Variants in SYNPR observed in about 807,000 individuals in gnomAD.
SYNPR encodes synaptoporin.
In SYNPR, 23 loss-of-function variants were observed where a neutral mutation model predicts 32.9. The observed-to-expected ratio is 0.70, with a 90% CI of 0.50 to 0.99. The LOEUF is 0.99. Ranked by LOEUF, SYNPR falls within the 50% of genes least tolerant of loss-of-function variation. SYNPR has a pLI of 0.00. For synonymous variants in SYNPR, 146 were observed against 135.9 expected, an observed-to-expected ratio of 1.07 and a Z score of -0.52; for missense variants, 318 against 349.3, an observed-to-expected ratio of 0.91 and a Z score of 0.71.
chr3:63,527,207 G>T (rs887690691), intron 3 of SYNPR, among the ~76,000 whole-genome samples: 1 of 152,208 alleles, frequency 6.6e-6, no homozygotes, highest in African/African-American at 2.4e-5. Flanking sequence ...ATTCTGAATG[G>T]AATGTATAGG....
intron 2 of SYNPR, among the ~76,000 whole-genome samples, chr3:63,255,983 G>T (rs940971694): frequency 2.0e-5 from 3 of 152,194 alleles, no homozygotes; most frequent in African/African-American, 7.2e-5. Context: ...TAGCACAGCA[G>T]TCTGAGATCA....
intron 2 of SYNPR, among the ~76,000 whole-genome samples, chr3:63,434,469 C>T (rs1700045126): frequency 6.6e-6 from 1 of 152,202 alleles, no homozygotes; most frequent in African/African-American, 2.4e-5. Context: ...TATGACACCC[C>T]CCCTTCATGG....
chr3:63,353,231 T>C lies in SYNPR; in HGVS notation c.84+74489T>C, dbSNP rs72881876. On this transcript the variant is annotated intron_variant, in intron 2 of 5. Coordinates refer to ENST00000478300, the MANE Select transcript of SYNPR (RefSeq NM_001130003.2). ...TGATACACTGATAAACAGGAGAGGATAATTTTGTAAGAAAAACACAAATAG... is the reference window on the plus strand; with the variant it reads ...TGATACACTGATAAACAGGAGAGGACAATTTTGTAAGAAAAACACAAATAG... Among the ~76,000 whole-genome samples the C allele has an allele frequency of 4.2e-3, 635 of 152,312 alleles. 6 individuals carry two copies. The highest frequency in any genetic ancestry group is 0.014 in the African/African-American group (598 of 41,560).
chr3:63,336,519 C>CA lies in SYNPR; in HGVS notation c.84+57820dup, dbSNP rs3082131. 3.3e-4 allele frequency among the ~76,000 whole-genome samples: 16 copies of CA among 48,828 alleles called. 1 individual carries two copies. The highest frequency in any genetic ancestry group is 8.4e-4 in the East Asian group (1 of 1,190). 32.0% of individuals were successfully genotyped at this position (48,828 alleles called of 152,430 possible). Reference sequence around the variant, plus strand: ...ACTAGAACAAGTGGACATTCCCATGCAAAAAAAAAAAAAAAAAAAAAAAAA... The same window carrying CA: ...ACTAGAACAAGTGGACATTCCCATGCAAAAAAAAAAAAAAAAAAAAAAAAAA... On this transcript the variant is annotated intron_variant, in intron 2 of 5. Transcript: ENST00000478300.
At chr3:63,595,752 TATATATATATATATATAA>T (rs1699933493) in intron 4 of SYNPR, among the ~76,000 whole-genome samples, 2 of 33,692 alleles carry the variant, frequency 5.9e-5, no homozygotes, top group Admixed American at 4.0e-4. Context: ...TATATATATA[TATATATATATATATATAA>T]TTTTATATAT....
At chr3:63,386,455 T>C (rs1300550526) in intron 2 of SYNPR, among the ~76,000 whole-genome samples, 1 of 152,212 alleles carries the variant, frequency 6.6e-6, no homozygotes, top group Non-Finnish European at 1.5e-5. Context: ...ACAAGCTTTG[T>C]TGGAATTGTT....
chr3:63,349,308 G>C (rs2087476604), intron 2 of SYNPR, among the ~76,000 whole-genome samples: 1 of 150,874 alleles, frequency 6.6e-6, no homozygotes, highest in African/African-American at 2.4e-5. Flanking sequence ...CACCATGTTG[G>C]TCAGGCTGGT....
intron 2 of SYNPR, among the ~76,000 whole-genome samples, chr3:63,298,543 C>T: frequency 6.6e-6 from 1 of 152,208 alleles, no homozygotes; most frequent in East Asian, 1.9e-4. Flanking sequence ...CACAGGGCCT[C>T]CTGAGCAGCC....
At chr3:63,237,361 G>A (rs1036536751) in intron 1 of SYNPR, among the ~76,000 whole-genome samples, 6 of 151,628 alleles carry the variant, frequency 4.0e-5, no homozygotes, top group African/African-American at 9.7e-5. Context: ...AGTGTTGTTC[G>A]TGTGTTTGTA....
intron 2 of SYNPR, among the ~76,000 whole-genome samples, chr3:63,475,102 A>C (rs1382203866): frequency 6.6e-6 from 1 of 152,102 alleles, no homozygotes; most frequent in Non-Finnish European, 1.5e-5. Context: ...GCTATGGGTG[A>C]TTTTGGTTTA....
chr3:63,246,257 C>T (rs1348003480), intron 1 of SYNPR, among the ~76,000 whole-genome samples: 1 of 152,020 alleles, frequency 6.6e-6, no homozygotes, highest in Non-Finnish European at 1.5e-5. Flanking sequence ...AAATCAAATA[C>T]CTTTTAAATC....
rs143159959 is a variant in SYNPR at position 63,594,143 on chromosome 3, G to T, written c.409-14982G>T. 2.0e-5 allele frequency among the ~76,000 whole-genome samples: 3 copies of T among 151,958 alleles called. No individual in the cohort carries two copies. The East Asian group carries it at 5.8e-4, about 29-fold the overall frequency. ...CGCAGGGTTGTGGTGAAGATGAAAT[G>T]AGGTGGAACAGGTAAGGCATCATAC... On this transcript the variant is annotated intron_variant, in intron 4 of 5. Coordinates refer to ENST00000478300, the MANE Select transcript of SYNPR (RefSeq NM_001130003.2).
At chr3:63,406,933 T>C (rs1457151761) in intron 2 of SYNPR, among the ~76,000 whole-genome samples, 1 of 152,194 alleles carries the variant, frequency 6.6e-6, no homozygotes, top group African/African-American at 2.4e-5. Context: ...GATCGGTCCA[T>C]GTTGACTATC....
At chr3:63,532,819 G>A (rs1460109426) in intron 3 of SYNPR, among the ~76,000 whole-genome samples, 1 of 152,144 alleles carries the variant, frequency 6.6e-6, no homozygotes, top group Non-Finnish European at 1.5e-5. Flanking sequence ...TTAGTCCATT[G>A]CCCAATGAAA....
intron 2 of SYNPR, among the ~76,000 whole-genome samples, chr3:63,396,983 A>C (rs2088223543): frequency 6.6e-6 from 1 of 152,064 alleles, no homozygotes; most frequent in Admixed American, 6.6e-5. Context: ...AGGCACCTGT[A>C]GTCTCAGCCA....
chr3:63,383,093 G>T (rs980611682), intron 2 of SYNPR, among the ~76,000 whole-genome samples: 3 of 152,164 alleles, frequency 2.0e-5, no homozygotes, highest in Non-Finnish European at 2.9e-5. Context: ...TTCACTCCTA[G>T]GGAGTTTAAG....
chr3:63,206,279 T>A, the SYNPR span, among the ~76,000 whole-genome samples: 2 of 152,304 alleles, frequency 1.3e-5, no homozygotes, highest in East Asian at 1.9e-4. Context: ...TGAAAAAGAT[T>A]TCTCCAGGGG....
intron 2 of SYNPR, among the ~76,000 whole-genome samples, chr3:63,309,372 G>T (rs2086939882): frequency 6.6e-6 from 1 of 151,852 alleles, no homozygotes. Flanking sequence ...CTGTGTGTTT[G>T]CATGTTTGCT....
At chr3:63,480,175 C>T (rs1323575590) in intron 2 of SYNPR, among the ~76,000 whole-genome samples, 2 of 152,182 alleles carry the variant, frequency 1.3e-5, no homozygotes, top group Non-Finnish European at 2.9e-5. Flanking sequence ...TCACATTCTA[C>T]ACCAGGATAG....
Sources: allele counts gnomAD v4.1 joint callset (sites outside exome capture counted in the v4.1 genomes callset), GRCh38; gene constraint gnomAD v4.1.1; transcripts MANE v1.5; gene names NCBI Gene and HGNC (gene_info 2026-07-23, HGNC 2026-07-21).